Variants in DMD observed in about 807,000 individuals in gnomAD.
DMD encodes the protein mutant dystrophin.
DMD carries 63 observed loss-of-function variants against 330.1 expected under a neutral mutation model. The observed-to-expected ratio is 0.19, with a 90% confidence interval of 0.16 to 0.24. The LOEUF is 0.24. Among genes scored for constraint, DMD ranks in the 10% least tolerant of loss-of-function variants. DMD has a pLI of 1.00. For synonymous variants in DMD, 1,223 were observed against 959.8 expected (o/e 1.27, Z -5.07); for missense variants, 3,344 against 2,684.1 (o/e 1.25, Z -5.43).
At chrX:31,670,950 T>C (rs903597534) in intron 53 of DMD, among the ~76,000 whole-genome samples, 1 of 109,456 alleles carries the variant, frequency 9.1e-6, no homozygotes, top group African/African-American at 3.3e-5. Context: ...TCTCGCTCTT[T>C]CGCCCAGGCC....
chrX:32,894,351 A>T (rs1055304829), intron 2 of DMD, among the ~76,000 whole-genome samples: 3 of 111,947 alleles, frequency 2.7e-5, no homozygotes, highest in African/African-American at 9.8e-5. Flanking sequence ...GAGGGAATTC[A>T]GTAGTGGTGG....
At chrX:32,258,970 A>G (rs1603629453) in intron 43 of DMD, among the ~76,000 whole-genome samples, 1 of 111,463 alleles carries the variant, frequency 9.0e-6, no homozygotes, top group East Asian at 2.8e-4. Flanking sequence ...TTATTTCTCT[A>G]TACTACAAAT....
intron 60 of DMD, among the ~76,000 whole-genome samples, chrX:31,391,569 T>C (rs1002905210): frequency 4.5e-5 from 5 of 111,212 alleles, no homozygotes; most frequent in Admixed American, 3.9e-4. Context: ...TGAAAGGTCC[T>C]TGAACTAAAA....
chrX:32,747,451 G>A (rs1470765174), intron 7 of DMD, among the ~76,000 whole-genome samples: 2 of 110,972 alleles, frequency 1.8e-5, no homozygotes, highest in African/African-American at 3.3e-5. Flanking sequence ...GTGAGACCTA[G>A]GGATCTGTGT....
At chrX:31,395,346 C>A (rs771464691) in intron 60 of DMD, among the ~76,000 whole-genome samples, 2 of 112,347 alleles carry the variant, frequency 1.8e-5, no homozygotes, top group Non-Finnish European at 3.8e-5. Flanking sequence ...CAAATTACTT[C>A]GTTCATTTCT....
At chrX:32,023,550 C>T (rs1175557227) in intron 44 of DMD, among the ~76,000 whole-genome samples, 2 of 111,509 alleles carry the variant, frequency 1.8e-5, no homozygotes, top group East Asian at 2.8e-4. Flanking sequence ...GAATGGTGCT[C>T]CTAAAAAGAA....
chrX:31,621,967 T>C (rs753553091), intron 55 of DMD, among the ~76,000 whole-genome samples: 5 of 111,753 alleles, frequency 4.5e-5, no homozygotes, highest in African/African-American at 1.6e-4. Context: ...CACTGGACAA[T>C]AGATTCATGG....
At chrX:32,482,045 A>G (rs1389358647) in intron 21 of DMD, among the ~76,000 whole-genome samples, 3 of 112,093 alleles carry the variant, frequency 2.7e-5, no homozygotes, top group African/African-American at 9.7e-5. Flanking sequence ...CCATTTTTGC[A>G]AAACTAAACC....
intron 76 of DMD, among the ~76,000 whole-genome samples, chrX:31,140,249 G>A (rs1039368580): frequency 3.6e-5 from 4 of 112,504 alleles, no homozygotes; most frequent in East Asian, 2.8e-4. Flanking sequence ...CAGAACCTAC[G>A]CAGCCTATGC....
chrX:32,822,144 A>C (rs1416278888), intron 5 of DMD, among the ~76,000 whole-genome samples: 1 of 112,165 alleles, frequency 8.9e-6, no homozygotes. Context: ...GGAAAACTTT[A>C]AGCAATCAAT....
At chrX:31,370,389 C>T (rs1239767097) in intron 60 of DMD, among the ~76,000 whole-genome samples, 1 of 111,902 alleles carries the variant, frequency 8.9e-6, no homozygotes, top group Non-Finnish European at 1.9e-5. Context: ...CATGAACAGA[C>T]ATTTCAATGA....
intron 15 of DMD, among the ~76,000 whole-genome samples, chrX:32,568,145 C>G (rs1436381934): frequency 9.0e-6 from 1 of 111,635 alleles, no homozygotes; most frequent in African/African-American, 3.3e-5. Flanking sequence ...TGAAAATAAG[C>G]CTCCTGTTTT....
rs184201089 is a variant in DMD, at chrX:32,650,406, T to G, written c.961-5254A>C. 3.8e-3 allele frequency among the ~76,000 whole-genome samples: 430 copies of G among 111,762 alleles called. 5 individuals are homozygous for G. Among genetic ancestry groups the G allele is most frequent in the Admixed American group, 0.03 (317 of 10,469 alleles). On this transcript the variant is annotated intron_variant, in intron 9 of 78. Transcript: ENST00000357033. ...AAGTCAATGCATGGATGGTGAATTT[T>G]TTGGTGTATTCTATAATCTTTTTAC...
intron 43 of DMD, among the ~76,000 whole-genome samples, chrX:32,258,537 A>G (rs1410541093): frequency 9.0e-6 from 1 of 110,845 alleles, no homozygotes; most frequent in African/African-American, 3.3e-5. Context: ...GCTGGAAACC[A>G]TCATTCTCAG....
At chrX:33,029,688 A>G (rs1311731019) in intron 1 of DMD, among the ~76,000 whole-genome samples, 1 of 112,491 alleles carries the variant, frequency 8.9e-6, no homozygotes, top group Non-Finnish European at 1.9e-5. Context: ...AAAAATTGCA[A>G]TGCTCTATAC....
intron 43 of DMD, among the ~76,000 whole-genome samples, chrX:32,263,728 T>G (rs192243826): frequency 2.7e-4 from 30 of 111,634 alleles, no homozygotes; most frequent in Admixed American, 6.7e-4. Context: ...ATGTCCTCTA[T>G]AGGAAGGCCA....
At chrX:32,435,272 T>TTATATATATATATATATATA (rs2098255810) in intron 29 of DMD, among the ~76,000 whole-genome samples, 1 of 45,950 alleles carries the variant, frequency 2.2e-5, no homozygotes, top group Admixed American at 2.6e-4. Flanking sequence ...TAATATATAC[T>TTATATATATATATATATATA]TACATATATA....
At chrX:31,300,021 A>AT (rs936931574) in intron 62 of DMD, among the ~76,000 whole-genome samples, 9 of 110,754 alleles carry the variant, frequency 8.1e-5, no homozygotes, top group Non-Finnish European at 1.3e-4. Flanking sequence ...TAAAATAAAG[A>AT]TTTTTTTTTC....
At chrX:32,972,268 C>A (rs929167150) in intron 2 of DMD, among the ~76,000 whole-genome samples, 2 of 110,774 alleles carry the variant, frequency 1.8e-5, no homozygotes, top group African/African-American at 6.6e-5. Flanking sequence ...GCCTTGACCT[C>A]CCGGGCTCAA....
Sources: allele counts gnomAD v4.1 joint callset (sites outside exome capture counted in the v4.1 genomes callset), GRCh38; gene constraint gnomAD v4.1.1; transcripts MANE v1.5; gene names NCBI Gene and HGNC (gene_info 2026-07-23, HGNC 2026-07-21).